Variants in CSMD1 observed in about 807,000 individuals in gnomAD.
CSMD1 encodes CUB and Sushi multiple domains 1.
In CSMD1, 213 loss-of-function variants were observed where a neutral mutation model predicts 417.5. The ratio of observed to expected loss-of-function variants is 0.51; its 90% CI spans 0.46 to 0.57. The LOEUF is 0.57. Among genes scored for constraint, CSMD1 ranks in the 20% least tolerant of loss-of-function variants. The probability of loss-of-function intolerance (pLI) is 0.00; values close to 1 mark genes in which losing one functional copy is unlikely to be tolerated. For missense variants in CSMD1, 6,923 were observed against 4,529.7 expected (o/e 1.53, Z -15.17); for synonymous variants, 2,862 against 1,736.8 (o/e 1.65, Z -16.11).
At chr8:3,878,071 G>A (rs946222922) in intron 5 of CSMD1, among the ~76,000 whole-genome samples, 3 of 152,002 alleles carry the variant, frequency 2.0e-5, no homozygotes, top group African/African-American at 7.3e-5. Context: ...GGGTGGTCAT[G>A]CATTGAACAT....
intron 2 of CSMD1, among the ~76,000 whole-genome samples, chr8:4,442,314 A>G (rs914312552): frequency 3.9e-5 from 6 of 152,184 alleles, no homozygotes; most frequent in African/African-American, 1.4e-4. Context: ...AAATGAACAC[A>G]AAGTATAAAG....
intron 2 of CSMD1, among the ~76,000 whole-genome samples, chr8:4,433,537 G>A (rs1260254552): frequency 6.6e-6 from 1 of 152,122 alleles, no homozygotes; most frequent in Non-Finnish European, 1.5e-5. Context: ...CTGCCGGCAA[G>A]AAAAACCTTG....
chr8:4,239,771 C>G (rs1020523075), intron 3 of CSMD1, among the ~76,000 whole-genome samples: 2 of 152,176 alleles, frequency 1.3e-5, no homozygotes, highest in African/African-American at 4.8e-5. Flanking sequence ...AATGGTCTAT[C>G]TTTCACGTTA....
chr8:4,191,116 G>A (rs1025476488), intron 3 of CSMD1, among the ~76,000 whole-genome samples: 2 of 151,520 alleles, frequency 1.3e-5, no homozygotes, highest in African/African-American at 4.9e-5. Context: ...ATTCAACAAG[G>A]CCAGGCGAGG....
chr8:4,064,662 T>A (rs1306503673), intron 3 of CSMD1, among the ~76,000 whole-genome samples: 1 of 152,218 alleles, frequency 6.6e-6, no homozygotes, highest in African/African-American at 2.4e-5. Flanking sequence ...AGGTACACTC[T>A]GTATTCTCCC....
chr8:4,725,529 C>T (rs528364154), intron 1 of CSMD1, among the ~76,000 whole-genome samples: 2 of 152,234 alleles, frequency 1.3e-5, no homozygotes, highest in South Asian at 4.1e-4. Context: ...TTCCATTTTG[C>T]GAACTCCATT....
chr8:3,954,954 C>G (rs1417336334), intron 5 of CSMD1, among the ~76,000 whole-genome samples: 1 of 152,214 alleles, frequency 6.6e-6, no homozygotes, highest in Non-Finnish European at 1.5e-5. Context: ...TTGTTTCTCC[C>G]TGGGGTCTGC....
At chr8:2,961,975 T>C (rs978952113) in intron 61 of CSMD1, among the ~76,000 whole-genome samples, 50 of 152,356 alleles carry the variant, frequency 3.3e-4, no homozygotes, top group African/African-American at 1.1e-3. Context: ...TACTATTCAA[T>C]TTCTTAGAAA....
chr8:3,909,115 G>A (rs1404560904), intron 5 of CSMD1, among the ~76,000 whole-genome samples: 1 of 152,182 alleles, frequency 6.6e-6, no homozygotes, highest in Non-Finnish European at 1.5e-5. Flanking sequence ...GACAACTAAA[G>A]CAATATTCTG....
chr8:4,338,690 T>C (rs539207692), intron 3 of CSMD1, among the ~76,000 whole-genome samples: 3 of 152,242 alleles, frequency 2.0e-5, no homozygotes, highest in African/African-American at 7.2e-5. Context: ...CACAATTCCA[T>C]AGTTCCGGTT....
At chr8:4,205,273 A>C (rs116244933) in intron 3 of CSMD1, among the ~76,000 whole-genome samples, 1,749 of 152,306 alleles carry the variant, frequency 0.011, 27 homozygotes, top group African/African-American at 0.041. Context: ...CTGCTCATAT[A>C]GTTTTTACAA....
intron 3 of CSMD1, among the ~76,000 whole-genome samples, chr8:4,338,001 T>C (rs964193711): frequency 1.8e-4 from 27 of 152,250 alleles, no homozygotes; most frequent in African/African-American, 6.0e-4. Context: ...TATTCCCAAA[T>C]AGAGGTGTTC....
At chr8:2,959,372 T>C (rs1285219066) in intron 62 of CSMD1, among the ~76,000 whole-genome samples, 2 of 152,192 alleles carry the variant, frequency 1.3e-5, no homozygotes, top group African/African-American at 4.8e-5. Flanking sequence ...GTGCTGGGAT[T>C]ACAGGCGTGA....
At chr8:4,728,177 T>G (rs2116942293) in intron 1 of CSMD1, among the ~76,000 whole-genome samples, 1 of 147,626 alleles carries the variant, frequency 6.8e-6, no homozygotes, top group African/African-American at 2.5e-5. Context: ...TATATTTATT[T>G]GGCATTTATA....
intron 18 of CSMD1, among the ~76,000 whole-genome samples, chr8:3,371,746 A>C (rs968658565): frequency 5.3e-5 from 8 of 152,204 alleles, no homozygotes; most frequent in African/African-American, 1.9e-4. Context: ...TTAATACGTA[A>C]ACCTCATGGG....
chr8:4,315,494 TAAAA>T (rs569957595), intron 3 of CSMD1, among the ~76,000 whole-genome samples: 4 of 152,044 alleles, frequency 2.6e-5, no homozygotes, highest in Non-Finnish European at 5.9e-5. Flanking sequence ...AAAGGATAAA[TAAAA>T]AGTGAACCAA....
chr8:4,788,680 T>G (rs1258976972), intron 1 of CSMD1: 10 of 570,180 alleles, frequency 1.8e-5, no homozygotes, highest in Admixed American at 3.3e-5. Flanking sequence ...AATTATAAAT[T>G]AGAGAACACA....
chr8:4,760,964 T>C (rs921762142), intron 1 of CSMD1, among the ~76,000 whole-genome samples: 17 of 152,134 alleles, frequency 1.1e-4, no homozygotes, highest in African/African-American at 1.9e-4. Context: ...CAGACCAAAG[T>C]TGCATTATTA....
At chr8:4,205,539 C>T (rs1372875589) in intron 3 of CSMD1, among the ~76,000 whole-genome samples, 2 of 152,132 alleles carry the variant, frequency 1.3e-5, no homozygotes, top group Admixed American at 1.3e-4. Context: ...ATGAAACTGA[C>T]ATTGAAAGTT....
Sources: gnomAD v4.1 joint callset for allele counts (sites outside exome capture counted in the v4.1 genomes callset) on GRCh38, gnomAD v4.1.1 for gene constraint, MANE v1.5 for transcripts, NCBI Gene and HGNC (gene_info 2026-07-23, HGNC 2026-07-21) for gene names.